Variants in THSD7B observed in about 807,000 individuals in gnomAD.
THSD7B encodes the protein thrombospondin type 1 domain containing 7B, also known as thrombospondin type-1 domain-containing protein 7B.
Under a neutral mutation model 213.6 loss-of-function variants are expected in THSD7B, and 138 were observed. The ratio of observed to expected loss-of-function variants is 0.65; its 90% CI spans 0.56 to 0.74. The LOEUF (loss-of-function observed/expected upper bound fraction) is 0.74, where lower values mean the gene tolerates loss of function less well. THSD7B is among the 30% of genes least tolerant of loss of function. The pLI is 0.00. For synonymous variants in THSD7B, 742 were observed against 687.0 expected, an observed-to-expected ratio of 1.08 and a Z score of -1.25; for missense variants, 1,931 against 1,991.5, an observed-to-expected ratio of 0.97 and a Z score of 0.58.
chr2:136,838,886 C>T (rs1212612891), intron 1 of THSD7B, among the ~76,000 whole-genome samples: 1 of 152,180 alleles, frequency 6.6e-6, no homozygotes, highest in Non-Finnish European at 1.5e-5. Flanking sequence ...TGTGCAGCTG[C>T]CTTGCTCTGT....
At chr2:137,587,995 T>C (rs4954521) in intron 17 of THSD7B, among the ~76,000 whole-genome samples, 32,943 of 152,118 alleles carry the variant, frequency 0.22, 3,730 homozygotes, top group Middle Eastern at 0.32. Flanking sequence ...AGTTTGAGCT[T>C]CCCAGTGCTT....
At chr2:137,340,779 G>A (rs1267388416) in intron 12 of THSD7B, among the ~76,000 whole-genome samples, 1 of 151,750 alleles carries the variant, frequency 6.6e-6, no homozygotes, top group African/African-American at 2.4e-5. Flanking sequence ...AATATGAATA[G>A]TATTCCATTG....
intron 27 of THSD7B, among the ~76,000 whole-genome samples, chr2:137,674,725 A>C (rs1247845806): frequency 6.6e-6 from 1 of 152,184 alleles, no homozygotes; most frequent in Non-Finnish European, 1.5e-5. Context: ...TTGTTTTTGC[A>C]TCTCCGCAGC....
At chr2:137,591,368 C>T (rs1681861498) in intron 17 of THSD7B, among the ~76,000 whole-genome samples, 1 of 151,786 alleles carries the variant, frequency 6.6e-6, no homozygotes, top group South Asian at 2.1e-4. Context: ...CCTTAAATTT[C>T]ACATGTAGTA....
At chr2:137,451,386 G>A (rs987691445) in intron 15 of THSD7B, among the ~76,000 whole-genome samples, 3 of 151,462 alleles carry the variant, frequency 2.0e-5, no homozygotes, top group Middle Eastern at 3.4e-3. Context: ...AATAATGTTG[G>A]GAGAGTATCA....
In THSD7B at chr2:137,084,144, A is replaced by G. The variant is rs1687796849; in HGVS notation, c.951-10729A>G. On this transcript the variant is annotated intron_variant, in intron 3 of 27. Transcript: ENST00000409968. ...AATATGTTTATTTATAAATTGGATT[A>G]TTACATGGTTGTAGCAAAGCTTTGT... Among the ~76,000 whole-genome samples the G allele has an allele frequency of 3.9e-5, 6 of 152,098 alleles. No individual in the cohort carries two copies. In the South Asian group the frequency reaches 1.2e-3, roughly 31 times the overall value.
intron 7 of THSD7B, among the ~76,000 whole-genome samples, chr2:137,186,166 C>T (rs1056120153): frequency 6.6e-6 from 1 of 152,074 alleles, no homozygotes; most frequent in Non-Finnish European, 1.5e-5. Flanking sequence ...AATATTTCTT[C>T]CCATTCTATA....
At chr2:137,043,390 T>C (rs1686916468) in intron 2 of THSD7B, among the ~76,000 whole-genome samples, 3 of 152,058 alleles carry the variant, frequency 2.0e-5, no homozygotes, top group African/African-American at 7.2e-5. Context: ...TATGGTACTT[T>C]TCCACTGTGC....
intron 12 of THSD7B, among the ~76,000 whole-genome samples, chr2:137,294,298 G>C (rs1336767059): frequency 6.6e-6 from 1 of 151,906 alleles, no homozygotes; most frequent in African/African-American, 2.4e-5. Context: ...TTGAAAGAGA[G>C]GGGGCTGGTT....
intron 1 of THSD7B, among the ~76,000 whole-genome samples, chr2:136,786,370 G>A (rs1681848813): frequency 6.6e-6 from 1 of 152,044 alleles, no homozygotes; most frequent in Non-Finnish European, 1.5e-5. Context: ...TTCCTGTCCA[G>A]CATCCCAAAG....
intron 2 of THSD7B, among the ~76,000 whole-genome samples, chr2:137,043,427 G>A (rs2104863968): frequency 6.6e-6 from 1 of 152,174 alleles, no homozygotes; most frequent in Admixed American, 6.5e-5. Context: ...GTGTTTCTCA[G>A]TGACCTCGGC....
intron 1 of THSD7B, among the ~76,000 whole-genome samples, chr2:136,773,114 G>A (rs1311353575): frequency 3.9e-5 from 6 of 151,922 alleles, no homozygotes; most frequent in South Asian, 2.1e-4. Context: ...TGAGTTGCCC[G>A]TCTTTGGGAG....
At chr2:137,412,033 T>C in intron 14 of THSD7B, 161 bp downstream of exon 14, 1 of 796,096 alleles carries the variant, frequency 1.3e-6, no homozygotes, top group Non-Finnish European at 1.9e-6. Flanking sequence ...ATGAAATGCA[T>C]ACATCTGTAT....
intron 5 of THSD7B, among the ~76,000 whole-genome samples, chr2:137,158,293 C>T (rs1679947417): frequency 6.6e-6 from 1 of 152,208 alleles, no homozygotes; most frequent in Non-Finnish European, 1.5e-5. Flanking sequence ...TGTGCATCCC[C>T]AGTTCCGGTC....
At chr2:137,114,982 C>A in intron 4 of THSD7B, 142 bp from the exon 5 acceptor site, 1 of 812,690 alleles carries the variant, frequency 1.2e-6, no homozygotes, top group Non-Finnish European at 1.9e-6. Flanking sequence ...TAATTCAAAG[C>A]TAGTATACTT....
At chr2:137,063,622 A>C (rs1274033636) in intron 3 of THSD7B, among the ~76,000 whole-genome samples, 1 of 150,738 alleles carries the variant, frequency 6.6e-6, no homozygotes, top group African/African-American at 2.5e-5. Flanking sequence ...GGTTGTATTC[A>C]TTCTTTCTAA....
intron 12 of THSD7B, among the ~76,000 whole-genome samples, chr2:137,344,474 A>G (rs1269441940): frequency 6.6e-6 from 1 of 151,674 alleles, no homozygotes; most frequent in Non-Finnish European, 1.5e-5. Flanking sequence ...AAAAAGGAGA[A>G]CTTATAATTT....
chr2:137,560,360 C>T (rs1357784928), intron 15 of THSD7B, among the ~76,000 whole-genome samples: 1 of 152,188 alleles, frequency 6.6e-6, no homozygotes, highest in African/African-American at 2.4e-5. Flanking sequence ...GGCACATATA[C>T]ACCATGGAAT....
chr2:136,914,678 A>G (rs1436985927), intron 2 of THSD7B, among the ~76,000 whole-genome samples: 2 of 151,876 alleles, frequency 1.3e-5, no homozygotes, highest in South Asian at 4.2e-4. Context: ...TTCTCCTGCC[A>G]CAGCCATGTA....
Sources: gnomAD v4.1 joint callset for allele counts (sites outside exome capture counted in the v4.1 genomes callset) on GRCh38, gnomAD v4.1.1 for gene constraint, MANE v1.5 for transcripts, NCBI Gene and HGNC (gene_info 2026-07-23, HGNC 2026-07-21) for gene names.